Variants in FOXP1 observed in about 807,000 individuals in gnomAD.
FOXP1 encodes forkhead box protein P1.
Under a neutral mutation model 98.2 loss-of-function variants are expected in FOXP1, and 15 were observed. That is an observed-to-expected ratio of 0.15 (90% CI 0.10 to 0.24). FOXP1 has a LOEUF of 0.24. Ranked by LOEUF, FOXP1 falls within the 10% of genes least tolerant of loss-of-function variation. FOXP1 has a pLI of 1.00. For missense variants in FOXP1, 633 were observed against 848.5 expected, an observed-to-expected ratio of 0.75 and a Z score of 3.15; for synonymous variants, 371 against 314.5, an observed-to-expected ratio of 1.18 and a Z score of -1.90.
chr3:71,110,948 G>A (rs1259181612), intron 7 of FOXP1, among the ~76,000 whole-genome samples: 1 of 152,188 alleles, frequency 6.6e-6, no homozygotes, highest in African/African-American at 2.4e-5. Context: ...CCAAATAAGT[G>A]TTTACAGAAG....
At chr3:71,114,113 A>G (rs1352546123) in intron 6 of FOXP1, among the ~76,000 whole-genome samples, 1 of 152,244 alleles carries the variant, frequency 6.6e-6, no homozygotes, top group Admixed American at 6.5e-5. Context: ...AGAGGCACAC[A>G]TAGATGTCAT....
At chr3:71,380,653 TAACAA>T in intron 3 of FOXP1, among the ~76,000 whole-genome samples, 1 of 151,072 alleles carries the variant, frequency 6.6e-6, no homozygotes. Flanking sequence ...GTTTATTTTT[TAACAA>T]TGAAGTTTCC....
intron 4 of FOXP1, among the ~76,000 whole-genome samples, chr3:71,331,686 G>A (rs192085695): frequency 6.6e-6 from 1 of 152,264 alleles, no homozygotes; most frequent in African/African-American, 2.4e-5. Context: ...CTAGCTCAGG[G>A]TTTGTGACTG....
intron 5 of FOXP1, among the ~76,000 whole-genome samples, chr3:71,201,802 A>ATG (rs2063693408): frequency 6.6e-6 from 1 of 152,152 alleles, no homozygotes; most frequent in South Asian, 2.1e-4. Flanking sequence ...ATTTAAAAAT[A>ATG]TGTATATATA....
chr3:71,525,932 A>G (rs1052525953), intron 2 of FOXP1, among the ~76,000 whole-genome samples: 6 of 152,136 alleles, frequency 3.9e-5, no homozygotes, highest in African/African-American at 1.2e-4. Flanking sequence ...CCTGGCCAAC[A>G]TGGTAAAACC....
chr3:71,019,113 A>G (rs1448412175), intron 11 of FOXP1, among the ~76,000 whole-genome samples: 1 of 152,216 alleles, frequency 6.6e-6, no homozygotes, highest in African/African-American at 2.4e-5. Context: ...TGGAACAAGC[A>G]TTTATATTCT....
chr3:70,962,263 C>T (rs1409664556), intron 20 of FOXP1, among the ~76,000 whole-genome samples: 1 of 151,008 alleles, frequency 6.6e-6, no homozygotes, highest in Non-Finnish European at 1.5e-5. Flanking sequence ...GATCATCTTT[C>T]TCTTTCTCTT....
chr3:71,060,888 G>T (rs1467996107), intron 7 of FOXP1, among the ~76,000 whole-genome samples: 1 of 152,092 alleles, frequency 6.6e-6, no homozygotes, highest in South Asian at 2.1e-4. Flanking sequence ...CTTTTAACCG[G>T]ATTTGAAAAT....
intron 5 of FOXP1, among the ~76,000 whole-genome samples, chr3:71,209,176 T>C (rs914873485): frequency 6.6e-6 from 1 of 152,210 alleles, no homozygotes; most frequent in African/African-American, 2.4e-5. Context: ...GAGACCTCAG[T>C]CAATACCCTT....
chr3:71,085,735 C>CTGTTTTTTTTTTTTTTTTTTTTTTTTTTT (rs2054984954), intron 7 of FOXP1, among the ~76,000 whole-genome samples: 1 of 37,038 alleles, frequency 2.7e-5, no homozygotes, highest in Non-Finnish European at 4.7e-5. Context: ...CATTTATGGC[C>CTGTTTTTTTTTTTTTTTTTTTTTTTTTTT]TTTTTTTTTT....
intron 6 of FOXP1, chr3:71,197,914 G>A (rs1360729098): frequency 6.2e-7 from 1 of 1,614,192 alleles, no homozygotes; most frequent in Non-Finnish European, 8.5e-7. Context: ...TCAAAATGGG[G>A]AAGGGTTAGG....
At chr3:71,032,839 T>C (rs1037281894) in intron 11 of FOXP1, among the ~76,000 whole-genome samples, 2 of 152,170 alleles carry the variant, frequency 1.3e-5, no homozygotes, top group Admixed American at 6.5e-5. Context: ...TGTCATTTAT[T>C]ATAAGAATAG....
chr3:71,401,382 C>A (rs2081950652), intron 3 of FOXP1, among the ~76,000 whole-genome samples: 1 of 152,034 alleles, frequency 6.6e-6, no homozygotes, highest in South Asian at 2.1e-4. Context: ...GGGAGGGTAT[C>A]AATTGGTGTG....
chr3:71,305,524 T>C (rs1327094160), intron 4 of FOXP1: 1 of 152,228 alleles, frequency 6.6e-6, no homozygotes, highest in East Asian at 1.9e-4. Context: ...GAGTTTCTGT[T>C]TTCTTACAGT....
intron 18 of FOXP1, chr3:70,971,834 G>T: frequency 2.3e-6 from 1 of 435,014 alleles, no homozygotes; most frequent in Non-Finnish European, 4.0e-6. Flanking sequence ...ATTATTCAAG[G>T]CACTGGTGTT....
intron 3 of FOXP1, among the ~76,000 whole-genome samples, chr3:71,456,000 C>T (rs999667556): frequency 2.0e-5 from 3 of 152,094 alleles, no homozygotes; most frequent in African/African-American, 4.8e-5. Flanking sequence ...ATGAAGCAAG[C>T]CTTCAGGTAA....
chr3:71,361,976 G>A (rs563224577), intron 3 of FOXP1, among the ~76,000 whole-genome samples: 1 of 152,238 alleles, frequency 6.6e-6, no homozygotes, highest in East Asian at 1.9e-4. Context: ...ATATCGTCAA[G>A]GACAAAGTGA....
intron 12 of FOXP1, among the ~76,000 whole-genome samples, chr3:71,013,033 A>G (rs1576150917): frequency 6.6e-6 from 1 of 152,296 alleles, no homozygotes; most frequent in East Asian, 1.9e-4. Context: ...AGTTTGGTCT[A>G]AATTTTATTT....
intron 3 of FOXP1, among the ~76,000 whole-genome samples, chr3:71,467,706 T>G (rs13060421): frequency 0.42 from 63,256 of 152,074 alleles, 14,022 homozygotes; most frequent in Non-Finnish European, 0.48. Flanking sequence ...TATATTACTA[T>G]GCTAATCTTC....
Sources: allele counts gnomAD v4.1 joint callset (sites outside exome capture counted in the v4.1 genomes callset), GRCh38; gene constraint gnomAD v4.1.1; transcripts MANE v1.5; gene names NCBI Gene and HGNC (gene_info 2026-07-23, HGNC 2026-07-21).